The following ZNF827 variants were observed in gnomAD, a reference collection of about 807,000 sequenced individuals.
The protein encoded by ZNF827 is zinc finger protein 827.
Under a neutral mutation model 102.4 loss-of-function variants are expected in ZNF827, and 13 were observed. That is an observed-to-expected ratio of 0.13 (90% confidence interval 0.08 to 0.20). ZNF827 has a LOEUF of 0.20. Among genes scored for constraint, ZNF827 ranks in the 10% least tolerant of loss-of-function variants. ZNF827 has a pLI of 1.00. For missense variants in ZNF827, 1,103 were observed against 1,344.4 expected (o/e 0.82, Z 2.81); for synonymous variants, 523 against 536.2 (o/e 0.98, Z 0.34).
chr4:145,773,191 A>G (rs754680198), intron 11 of ZNF827, among the ~76,000 whole-genome samples: 1 of 152,210 alleles, frequency 6.6e-6, no homozygotes, highest in Non-Finnish European at 1.5e-5. Context: ...AGAAATGCTG[A>G]ATTTAATTTG....
intron 2 of ZNF827, among the ~76,000 whole-genome samples, chr4:145,894,399 A>G (rs1390282530): frequency 6.6e-6 from 1 of 152,178 alleles, no homozygotes; most frequent in Non-Finnish European, 1.5e-5. Context: ...CTTCTGTACT[A>G]TTTGAATTTT....
At position 145,876,627 on chromosome 4, in the gene ZNF827, A is replaced by G. The variant is rs150238008; in HGVS notation, c.1748-6149T>C. 10 of 152,358 alleles carry G rather than the reference A, an allele frequency of 6.6e-5. 1 individual carries two copies. The highest frequency in any genetic ancestry group is 1.3e-4 in the Admixed American group (2 of 15,302). The allele number at this position is 152,358 out of a possible 1,614,324, so 9.4% of individuals were successfully genotyped here. ...ACCCTTTGAGGTAGGCACTAGTATT[A>G]TCCCCATTTTGCAGATGAGAGATCT... is the stretch of plus-strand genomic sequence containing the variant. On this transcript the variant is annotated intron_variant, in intron 4 of 14. Coordinates refer to ENST00000508784, the MANE Select transcript of ZNF827 (RefSeq NM_001306215.2).
At chr4:145,881,085 A>G (rs1238019929) in intron 4 of ZNF827, among the ~76,000 whole-genome samples, 1 of 152,256 alleles carries the variant, frequency 6.6e-6, no homozygotes, top group East Asian at 1.9e-4. Flanking sequence ...GTAAATGCAG[A>G]GGCTTAAAAG....
chr4:145,802,043 TAAG>T (rs1454052695), intron 8 of ZNF827, among the ~76,000 whole-genome samples: 2 of 152,146 alleles, frequency 1.3e-5, no homozygotes, highest in Non-Finnish European at 2.9e-5. Flanking sequence ...ATACACCGAA[TAAG>T]AATGAAGGCT....
intron 8 of ZNF827, among the ~76,000 whole-genome samples, chr4:145,800,749 C>T (rs1418806220): frequency 6.6e-6 from 1 of 152,206 alleles, no homozygotes; most frequent in Non-Finnish European, 1.5e-5. Context: ...TCCCCAGCTT[C>T]CACCTACAAG....
At chr4:145,779,303 TCA>T (rs1277279625) in intron 9 of ZNF827, 69 bp downstream of exon 9, 1 of 1,540,234 alleles carries the variant, frequency 6.5e-7, no homozygotes, top group Non-Finnish European at 8.7e-7. Flanking sequence ...TTAGAGAAAC[TCA>T]GTTTCCGGAG....
At chr4:145,772,087 G>C (rs1736374803) in intron 11 of ZNF827, among the ~76,000 whole-genome samples, 1 of 152,170 alleles carries the variant, frequency 6.6e-6, no homozygotes, top group African/African-American at 2.4e-5. Context: ...CTTCCACATA[G>C]ATTACAGAAA....
In ZNF827 at chr4:145,760,639, C is replaced by G; in HGVS notation, c.*977G>C. 2.5e-6 allele frequency: 1 copy of G among 402,834 alleles called. No homozygotes were observed. The highest frequency in any genetic ancestry group is 3.6e-6 in the Non-Finnish European group (1 of 278,044). 25.0% of individuals were successfully genotyped at this position (402,834 alleles called of 1,614,324 possible). ...TTTTCTATTCCTTACTAAAGATATA[C>G]AGTACACATGTTCCAGACCCATCGG... On this transcript the variant is annotated 3_prime_UTR_variant, in exon 15 of 15. Transcript: ENST00000508784.
intron 1 of ZNF827, among the ~76,000 whole-genome samples, chr4:145,925,324 G>C (rs1203764615): frequency 6.6e-6 from 1 of 152,152 alleles, no homozygotes; most frequent in Non-Finnish European, 1.5e-5. Flanking sequence ...TCTCTGCTCA[G>C]GATCTAAGTC....
chr4:145,837,213 A>G (rs1744934070), intron 7 of ZNF827, among the ~76,000 whole-genome samples: 1 of 152,160 alleles, frequency 6.6e-6, no homozygotes, highest in Non-Finnish European at 1.5e-5. Context: ...ATTCAGTGAA[A>G]CCTTTATATC....
rs192699330 is a variant in ZNF827, at chr4:145,763,498, C to T, written c.3231-376G>A. Among the ~76,000 whole-genome samples the T allele has an allele frequency of 1.4e-4, 21 of 152,326 alleles. No individual in the cohort carries two copies. Among genetic ancestry groups the T allele is most frequent in the African/African-American group, 4.1e-4 (17 of 41,580 alleles). The stretch of plus-strand genomic sequence containing the variant: ...TACACAGGGGACGGTTAGCACCGCA[C>T]GGGAAGTGTCTGTACCAGCAAAAGC... On this transcript the variant is annotated intron_variant, in intron 13 of 14. Transcript: ENST00000508784. This position sits in a 1 kb window ranked among gnomAD's most constrained non-coding sequence, Gnocchi z 4.6.
At chr4:145,845,132 G>A (rs1231864543) in intron 7 of ZNF827, among the ~76,000 whole-genome samples, 4 of 152,194 alleles carry the variant, frequency 2.6e-5, no homozygotes, top group Non-Finnish European at 5.9e-5. Flanking sequence ...GAAATTGGAG[G>A]GAGGTTTGAA....
chr4:145,826,016 G>A (rs1743639792), intron 7 of ZNF827, among the ~76,000 whole-genome samples: 1 of 152,214 alleles, frequency 6.6e-6, no homozygotes, highest in African/African-American at 2.4e-5. Context: ...GCTTAAGGCT[G>A]GTGTAAGTCT....
intron 2 of ZNF827, among the ~76,000 whole-genome samples, chr4:145,897,529 C>T (rs956782008): frequency 3.0e-4 from 46 of 152,160 alleles, no homozygotes; most frequent in African/African-American, 1.1e-3. Flanking sequence ...TGTAGGATGA[C>T]GACCTATCTT....
chr4:145,925,349 G>T (rs1411961866), intron 1 of ZNF827, among the ~76,000 whole-genome samples: 1 of 152,112 alleles, frequency 6.6e-6, no homozygotes, highest in Non-Finnish European at 1.5e-5. Context: ...ACTTCCTTGA[G>T]GATGCTTTAT....
intron 4 of ZNF827, among the ~76,000 whole-genome samples, chr4:145,880,727 G>C (rs533183188): frequency 1.3e-5 from 2 of 152,342 alleles, no homozygotes; most frequent in East Asian, 3.9e-4. Flanking sequence ...TGATTAGTGA[G>C]TGCCCATCAC....
At chr4:145,781,256 C>CATGGGTCAGAG (rs1292852333) in intron 8 of ZNF827, among the ~76,000 whole-genome samples, 1 of 93,878 alleles carries the variant, frequency 1.1e-5, no homozygotes, top group Admixed American at 1.1e-4. Flanking sequence ...ATGCTCACAA[C>CATGGGTCAGAG]ATGGGTCAGA....
At chr4:145,803,046 C>G (rs1181967083) in intron 8 of ZNF827, among the ~76,000 whole-genome samples, 1 of 152,070 alleles carries the variant, frequency 6.6e-6, no homozygotes, top group Non-Finnish European at 1.5e-5. Context: ...CTCTCTTCTT[C>G]CTTCCTTCCT....
At chr4:145,799,486 C>T (rs1462560825) in intron 8 of ZNF827, among the ~76,000 whole-genome samples, 2 of 152,206 alleles carry the variant, frequency 1.3e-5, no homozygotes, top group Non-Finnish European at 2.9e-5. Flanking sequence ...GACACTGTCA[C>T]AGTCTGTGAA....
Sources: allele counts gnomAD v4.1 joint callset (sites outside exome capture counted in the v4.1 genomes callset), GRCh38; gene constraint gnomAD v4.1.1; non-coding constraint Gnocchi (gnomAD v3.1); transcripts MANE v1.5; gene names NCBI Gene and HGNC (gene_info 2026-07-23, HGNC 2026-07-21).